The following PPA2 variants were observed in gnomAD, a reference collection of about 807,000 sequenced individuals.
The protein encoded by PPA2 is inorganic pyrophosphatase 2, mitochondrial.
In PPA2, 48 loss-of-function variants were observed where a neutral mutation model predicts 49.5. The observed-to-expected ratio is 0.97, with a 90% CI of 0.77 to 1.23. The LOEUF (loss-of-function observed/expected upper bound fraction) is 1.23. Ranked by LOEUF, PPA2 falls within the 50% of genes most tolerant of loss-of-function variation. PPA2 has a pLI of 0.00. For missense variants in PPA2, 429 were observed against 410.1 expected (o/e 1.05, Z -0.40); for synonymous variants, 131 against 139.9 (o/e 0.94, Z 0.45).
chr4:105,424,136 T>A (rs1723379336), intron 7 of PPA2, 60 bp downstream of exon 7: 15 of 1,556,128 alleles, frequency 9.6e-6, no homozygotes, highest in Non-Finnish European at 1.3e-5. Flanking sequence ...TTCTTTTAAG[T>A]TCTCAGAATT....
intron 6 of PPA2, among the ~76,000 whole-genome samples, chr4:105,430,414 G>A (rs114304083): frequency 0.015 from 2,291 of 152,180 alleles, 25 homozygotes; most frequent in Non-Finnish European, 0.021. Flanking sequence ...TTAAGTACTC[G>A]GCTCTATATT....
intron 1 of PPA2, among the ~76,000 whole-genome samples, chr4:105,467,240 C>G (rs365159): frequency 6.6e-6 from 1 of 152,142 alleles, no homozygotes. Flanking sequence ...GAAGATCTCT[C>G]TGGTGGGTAA....
At chr4:105,382,935 A>G (rs1733544810) in intron 10 of PPA2, among the ~76,000 whole-genome samples, 2 of 152,150 alleles carry the variant, frequency 1.3e-5, no homozygotes, top group African/African-American at 4.8e-5. Flanking sequence ...CAGGAAGTCA[A>G]GGCTGCTGTG....
intron 1 of PPA2, among the ~76,000 whole-genome samples, chr4:105,468,421 C>CA (rs1193043023): frequency 2.0e-5 from 3 of 151,772 alleles, no homozygotes; most frequent in Non-Finnish European, 2.9e-5. Flanking sequence ...CTGGGAAAGA[C>CA]AAAAAAAGTG....
In PPA2 at chr4:105,458,754, G is replaced by A. The variant is rs534072441; in HGVS notation, c.158-2009C>T. Among the ~76,000 whole-genome samples the A allele has an allele frequency of 1.2e-3, 184 of 149,048 alleles. 1 individual carries two copies. In the Middle Eastern group the frequency reaches 0.014, roughly 11 times the overall value. On this transcript the variant is annotated intron_variant, in intron 1 of 11. Coordinates refer to ENST00000341695, the MANE Select transcript of PPA2 (RefSeq NM_176869.3). ...GGAGAATAGCTTCAACCCAGGAGGC[G>A]GAGGTTGCGGTGAGCCGAAATCGCA...
intron 6 of PPA2, among the ~76,000 whole-genome samples, chr4:105,436,080 C>T (rs1241900379): frequency 6.6e-6 from 1 of 152,064 alleles, no homozygotes; most frequent in East Asian, 1.9e-4. Context: ...CCAAAAGACT[C>T]CTAGACTTGT....
At chr4:105,421,716 A>G (rs1478339053) in intron 7 of PPA2, among the ~76,000 whole-genome samples, 4 of 152,168 alleles carry the variant, frequency 2.6e-5, no homozygotes, top group Non-Finnish European at 5.9e-5. Context: ...ATGTGTAGGT[A>G]AAAGGAATGA....
Position 105,470,257 on chromosome 4 carries a change from A to G in PPA2, c.157+3637T>C, listed in dbSNP as rs187272045. Among the ~76,000 whole-genome samples the G allele has an allele frequency of 2.4e-4, 36 of 152,378 alleles. No individual in the cohort carries two copies. The East Asian group carries it at 5.8e-3, about 24-fold the overall frequency. On this transcript the variant is annotated intron_variant, in intron 1 of 11. Transcript: ENST00000341695. Reference sequence around the variant, plus strand: ...CATGCAGCATTAGGTCTTTGGCTCAATATAAGTGAGTCTAACTTCATTATG... The same window carrying G: ...CATGCAGCATTAGGTCTTTGGCTCAGTATAAGTGAGTCTAACTTCATTATG...
chr4:105,474,058 A>G lies in PPA2; in HGVS notation c.-8T>C, dbSNP rs1437072707. On this transcript the variant is annotated 5_prime_UTR_variant, in exon 1 of 12. Transcript: ENST00000341695. ...CCGCAGCAGCGCGCTCATGGCGTCA[A>G]TGACGGTCCTGCTGTGCGCGCGGAG... 19 of 1,569,804 alleles carry G rather than the reference A, an allele frequency of 1.2e-5. No individual in the cohort carries two copies. Among genetic ancestry groups the G allele is most frequent in the Admixed American group, 1.8e-5 (1 of 54,710 alleles).
At chr4:105,415,897 G>C (rs887160220) in intron 7 of PPA2, among the ~76,000 whole-genome samples, 2 of 152,162 alleles carry the variant, frequency 1.3e-5, no homozygotes, top group African/African-American at 4.8e-5. Flanking sequence ...AGATCTCAAA[G>C]GGAATCAAAA....
At chr4:105,449,174 G>A (rs539594288) in intron 4 of PPA2, among the ~76,000 whole-genome samples, 176 bp downstream of exon 4, 4 of 101,398 alleles carry the variant, frequency 3.9e-5, no homozygotes, top group East Asian at 2.7e-4. Context: ...CCGAGATCCC[G>A]CCACTGCACT....
intron 3 of PPA2, among the ~76,000 whole-genome samples, chr4:105,450,601 CTTTTTTTTTTT>C (rs575896250): frequency 2.4e-5 from 2 of 82,678 alleles, no homozygotes; most frequent in Non-Finnish European, 2.3e-5. Context: ...GTCTGGAATT[CTTTTTTTTTTT>C]TTTTTTTTTT....
At chr4:105,458,817 C>A (rs1163147484) in intron 1 of PPA2, among the ~76,000 whole-genome samples, 1 of 66,418 alleles carries the variant, frequency 1.5e-5, no homozygotes, top group African/African-American at 7.9e-5. Flanking sequence ...GACTCCACCT[C>A]CAAAAAAAAA....
chr4:105,396,206 C>A, intron 9 of PPA2, 43 bp downstream of exon 9: 3 of 1,050,240 alleles, frequency 2.9e-6, no homozygotes, highest in East Asian at 3.1e-5. Context: ...TGTTTAATAC[C>A]AATTAATATA....
intron 5 of PPA2, among the ~76,000 whole-genome samples, chr4:105,442,269 C>A (rs1455957750): frequency 6.6e-6 from 1 of 152,122 alleles, no homozygotes; most frequent in Non-Finnish European, 1.5e-5. Flanking sequence ...TTATTAAGAA[C>A]TCACTATGGG....
chr4:105,416,200 A>C (rs148397056), intron 7 of PPA2, among the ~76,000 whole-genome samples: 1,743 of 152,314 alleles, frequency 0.011, 16 homozygotes, highest in Admixed American at 0.022. Flanking sequence ...ACTTCCACAA[A>C]TGTTAGGACG....
At chr4:105,463,734 A>G (rs1380910856) in intron 1 of PPA2, among the ~76,000 whole-genome samples, 1 of 152,214 alleles carries the variant, frequency 6.6e-6, no homozygotes, top group Non-Finnish European at 1.5e-5. Context: ...AAAGGGGCCA[A>G]GGTACAGCTT....
At chr4:105,450,910 A>G (rs896095990) in intron 3 of PPA2, among the ~76,000 whole-genome samples, 5 of 152,050 alleles carry the variant, frequency 3.3e-5, no homozygotes, top group African/African-American at 4.8e-5. Context: ...CCCTGCCAAC[A>G]CTTTTCTAAC....
At chr4:105,413,200 A>G (rs1382229043) in intron 7 of PPA2, among the ~76,000 whole-genome samples, 1 of 152,118 alleles carries the variant, frequency 6.6e-6, no homozygotes, top group African/African-American at 2.4e-5. Flanking sequence ...GAAGCTGGAA[A>G]CCATCATTCT....
Sources: allele counts gnomAD v4.1 joint callset (sites outside exome capture counted in the v4.1 genomes callset), GRCh38; gene constraint gnomAD v4.1.1; transcripts MANE v1.5; gene names NCBI Gene and HGNC (gene_info 2026-07-23, HGNC 2026-07-21).